Variants in LOC128092253 observed in about 807,000 individuals in gnomAD.
At chr6:133,956,993 G>T in the LOC128092253 span, among the ~76,000 whole-genome samples, 1 of 152,158 alleles carries the variant, frequency 6.6e-6, no homozygotes, top group Non-Finnish European at 1.5e-5. Context: ...GATGGAGTTT[G>T]TGTATTTGTG....
At chr6:133,973,637 C>G in the LOC128092253 span, among the ~76,000 whole-genome samples, 2 of 152,076 alleles carry the variant, frequency 1.3e-5, no homozygotes, top group Non-Finnish European at 2.9e-5. Context: ...TTTTGAATAC[C>G]ACTAGAAAGA....
At chr6:133,963,815 G>A in the LOC128092253 span, among the ~76,000 whole-genome samples, 1 of 151,804 alleles carries the variant, frequency 6.6e-6, no homozygotes, top group African/African-American at 2.4e-5. Context: ...CGGATCACAA[G>A]GTCAGGAGAT....
At chr6:133,958,822 G>T in the LOC128092253 span, among the ~76,000 whole-genome samples, 1 of 152,100 alleles carries the variant, frequency 6.6e-6, no homozygotes, top group Non-Finnish European at 1.5e-5. Context: ...GCAGGGTAAA[G>T]TGTTATAATT....
chr6:133,970,932 T>C, the LOC128092253 span, among the ~76,000 whole-genome samples: 1 of 152,214 alleles, frequency 6.6e-6, no homozygotes, highest in Admixed American at 6.5e-5. Flanking sequence ...GAATTTATCA[T>C]TTCTTTGTGG....
the LOC128092253 span, among the ~76,000 whole-genome samples, chr6:133,959,487 T>C: frequency 6.6e-6 from 1 of 152,148 alleles, no homozygotes. Context: ...TTCTTTCTTT[T>C]TGTTTTGTTT....
the LOC128092253 span, among the ~76,000 whole-genome samples, chr6:133,966,207 C>G: frequency 6.6e-5 from 10 of 152,048 alleles, no homozygotes; most frequent in Non-Finnish European, 8.8e-5. Flanking sequence ...ATGTGTATGG[C>G]GCATTGGGAA....
chr6:133,963,192 A>G, the LOC128092253 span, among the ~76,000 whole-genome samples: 1 of 152,212 alleles, frequency 6.6e-6, no homozygotes, highest in Non-Finnish European at 1.5e-5. Context: ...GTTCTCTGAA[A>G]AACAGTACTG....
the LOC128092253 span, among the ~76,000 whole-genome samples, chr6:133,963,749 G>A: frequency 6.6e-6 from 1 of 151,592 alleles, no homozygotes; most frequent in Non-Finnish European, 1.5e-5. Context: ...GTTAAGAACC[G>A]GCCTGGCGCG....
chr6:133,977,097 T>C, the LOC128092253 span, among the ~76,000 whole-genome samples: 2 of 152,238 alleles, frequency 1.3e-5, no homozygotes, highest in African/African-American at 4.8e-5. Context: ...AATATCCAGT[T>C]CTGTGCTCTC....
chr6:133,976,056 T>C, the LOC128092253 span, among the ~76,000 whole-genome samples: 3 of 152,208 alleles, frequency 2.0e-5, no homozygotes, highest in African/African-American at 7.2e-5. Flanking sequence ...AAATCATGTA[T>C]AAACCACCAT....
chr6:133,972,931 TAGAG>T, the LOC128092253 span, among the ~76,000 whole-genome samples: 1 of 152,158 alleles, frequency 6.6e-6, no homozygotes, highest in African/African-American at 2.4e-5. Flanking sequence ...AATGAGGATT[TAGAG>T]AGCGGTTAGG....
chr6:133,955,050 A>T, the LOC128092253 span, among the ~76,000 whole-genome samples: 2 of 152,226 alleles, frequency 1.3e-5, no homozygotes, highest in Non-Finnish European at 2.9e-5. Flanking sequence ...CATTAAGAAG[A>T]AAAAGATAGA....
chr6:133,970,378 T>C, the LOC128092253 span, among the ~76,000 whole-genome samples: 1 of 152,212 alleles, frequency 6.6e-6, no homozygotes, highest in Non-Finnish European at 1.5e-5. Context: ...AGGCTATTAC[T>C]CTCTTTGGTC....
the LOC128092253 span, among the ~76,000 whole-genome samples, chr6:133,978,862 A>G: frequency 6.6e-6 from 1 of 152,182 alleles, no homozygotes; most frequent in Non-Finnish European, 1.5e-5. Flanking sequence ...TATAAAGAAT[A>G]CTAGTTTTTT....
At chr6:133,971,186 T>A in the LOC128092253 span, among the ~76,000 whole-genome samples, 1 of 152,018 alleles carries the variant, frequency 6.6e-6, no homozygotes, top group Admixed American at 6.6e-5. Flanking sequence ...AGTGAGATCA[T>A]GAGGAATTTG....
chr6:133,970,614 C>CT, the LOC128092253 span, among the ~76,000 whole-genome samples: 1,165 of 142,584 alleles, frequency 8.2e-3, 14 homozygotes, highest in African/African-American at 0.027. Flanking sequence ...TTTGTTTTTG[C>CT]TTTTTTTTTT....
the LOC128092253 span, among the ~76,000 whole-genome samples, chr6:133,969,567 C>T: frequency 4.6e-5 from 7 of 152,182 alleles, no homozygotes; most frequent in East Asian, 3.9e-4. Context: ...AAATGTTTTA[C>T]GGGTGGTAAA....
At chr6:133,953,369 A>G in the LOC128092253 span, 4 of 152,870 alleles carry the variant, frequency 2.6e-5, no homozygotes, top group African/African-American at 9.7e-5. Context: ...TTCGCATCCG[A>G]CGCAACCGGC....
At chr6:133,976,991 AG>A in the LOC128092253 span, among the ~76,000 whole-genome samples, 1 of 151,970 alleles carries the variant, frequency 6.6e-6, no homozygotes, top group Admixed American at 6.6e-5. Flanking sequence ...AAGAAAAAAA[AG>A]AAATTGAGAT....
Sources: allele counts gnomAD v4.1 joint callset (sites outside exome capture counted in the v4.1 genomes callset), GRCh38; gene constraint gnomAD v4.1.1; transcripts MANE v1.5.